The following PRLR variants were observed in gnomAD, a reference collection of about 807,000 sequenced individuals.
PRLR encodes hPRL receptor.
In PRLR, 13 loss-of-function variants were observed where a neutral mutation model predicts 40.2. That is an observed-to-expected ratio of 0.32 (90% confidence interval 0.21 to 0.51). The LOEUF is 0.51. PRLR is among the 20% of genes least tolerant of loss of function. PRLR has a pLI of 0.97. For synonymous variants in PRLR, 269 were observed against 278.7 expected, an observed-to-expected ratio of 0.97 and a Z score of 0.35; for missense variants, 656 against 747.3, an observed-to-expected ratio of 0.88 and a Z score of 1.42.
At chr5:35,071,411 T>G (rs927976915) in intron 6 of PRLR, among the ~76,000 whole-genome samples, 2 of 152,204 alleles carry the variant, frequency 1.3e-5, no homozygotes. Context: ...GGAATTAAAC[T>G]AGGGACTGGG....
chr5:35,164,998 A>G (rs180738459), intron 1 of PRLR, among the ~76,000 whole-genome samples: 3 of 152,358 alleles, frequency 2.0e-5, no homozygotes, highest in Admixed American at 6.5e-5. Flanking sequence ...GGAAATAAAG[A>G]GTCCCCTTAG....
chr5:35,187,665 C>T (rs558312689), intron 1 of PRLR, among the ~76,000 whole-genome samples: 13 of 152,228 alleles, frequency 8.5e-5, no homozygotes, highest in African/African-American at 3.1e-4. Context: ...GACCCCAAGC[C>T]CTTCAAATAA....
At chr5:35,076,697 C>T (rs1770121424) in intron 5 of PRLR, among the ~76,000 whole-genome samples, 1 of 152,114 alleles carries the variant, frequency 6.6e-6, no homozygotes, top group Admixed American at 6.5e-5. Flanking sequence ...ACAGAGAATG[C>T]CACAAAGGTA....
chr5:35,119,142 A>G (rs1447965303), intron 1 of PRLR, among the ~76,000 whole-genome samples: 1 of 152,218 alleles, frequency 6.6e-6, no homozygotes, highest in Non-Finnish European at 1.5e-5. Context: ...ACAGCAATTC[A>G]TAATTTAATG....
At chr5:35,164,372 C>T (rs1438346742) in intron 1 of PRLR, among the ~76,000 whole-genome samples, 2 of 152,074 alleles carry the variant, frequency 1.3e-5, no homozygotes, top group Non-Finnish European at 2.9e-5. Flanking sequence ...ACTAAGGGTG[C>T]TCAGGGAAGG....
In PRLR at chr5:35,064,861, T is replaced by A. The variant is rs1213401121; in HGVS notation, c.*228A>T. On this transcript the variant is annotated 3_prime_UTR_variant, in exon 10 of 10. Transcript: ENST00000618457. Reference sequence around the variant, plus strand: ...GCTTTTATTTCATTGAACACATAGTTTTATAACTAACAGCAAAAAGTAAAT... The same window carrying A: ...GCTTTTATTTCATTGAACACATAGTATTATAACTAACAGCAAAAAGTAAAT... 1.8e-6 allele frequency: 1 copy of A among 554,316 alleles called. No homozygotes were observed. The highest frequency in any genetic ancestry group is 3.1e-6 in the Non-Finnish European group (1 of 318,852). 34.3% of individuals were successfully genotyped at this position (554,316 alleles called of 1,614,324 possible). A position where few individuals can be genotyped will look rare whatever the true frequency, so the allele number is the denominator to read the frequency against.
intron 1 of PRLR, among the ~76,000 whole-genome samples, chr5:35,124,004 T>C (rs956785896): frequency 6.6e-6 from 1 of 152,158 alleles, no homozygotes; most frequent in African/African-American, 2.4e-5. Flanking sequence ...AAGGGAAAGA[T>C]ATAGATGATA....
chr5:35,168,823 C>T (rs571938675), intron 1 of PRLR, among the ~76,000 whole-genome samples: 10 of 152,140 alleles, frequency 6.6e-5, no homozygotes, highest in East Asian at 5.8e-4. Context: ...GTTGATAAAA[C>T]GATACTACAA....
At chr5:35,087,106 T>C (rs1770903805) in intron 3 of PRLR, among the ~76,000 whole-genome samples, 1 of 152,084 alleles carries the variant, frequency 6.6e-6, no homozygotes, top group African/African-American at 2.4e-5. Flanking sequence ...CAATTCTGCC[T>C]CAGCCTCCTG....
intron 5 of PRLR, among the ~76,000 whole-genome samples, chr5:35,073,817 G>A (rs1470409567): frequency 1.3e-5 from 2 of 152,148 alleles, no homozygotes; most frequent in African/African-American, 4.8e-5. Flanking sequence ...GCCTTCTGGG[G>A]AATGCAAATC....
rs577197269 is a variant in PRLR, at chr5:35,075,109, C to T, written c.374-2365G>A. Among the ~76,000 whole-genome samples the T allele has an allele frequency of 7.9e-5, 12 of 152,308 alleles. No homozygotes were observed. The East Asian group carries it at 9.6e-4, about 12-fold the overall frequency. ...GCTGAATAGGAACAGCTCCAGTCTA[C>T]AGCTCCCAGCGTGAGCAACACAGAA... is the stretch of plus-strand genomic sequence containing the variant. On this transcript the variant is annotated intron_variant, in intron 5 of 9. Coordinates refer to ENST00000618457, the MANE Select transcript of PRLR (RefSeq NM_000949.7).
intron 1 of PRLR, among the ~76,000 whole-genome samples, chr5:35,226,906 A>G (rs1776567645): frequency 6.6e-6 from 1 of 152,244 alleles, no homozygotes; most frequent in African/African-American, 2.4e-5. Context: ...GCCCAGCACA[A>G]AACAGAGCTC....
chr5:35,073,052 G>C (rs1769855166), intron 5 of PRLR, among the ~76,000 whole-genome samples: 1 of 152,144 alleles, frequency 6.6e-6, no homozygotes, highest in African/African-American at 2.4e-5. Context: ...CAGAGACCAG[G>C]TGATAAAAAC....
intron 1 of PRLR, among the ~76,000 whole-genome samples, chr5:35,142,043 G>A (rs1449076551): frequency 1.3e-5 from 2 of 152,216 alleles, no homozygotes; most frequent in Non-Finnish European, 2.9e-5. Context: ...ATTCTCGAAT[G>A]TTTAATTTTT....
At chr5:35,223,605 C>T (rs1419077465) in intron 1 of PRLR, among the ~76,000 whole-genome samples, 1 of 152,228 alleles carries the variant, frequency 6.6e-6, no homozygotes, top group African/African-American at 2.4e-5. Flanking sequence ...CTTTAGGCTT[C>T]CAGCCCTCAA....
chr5:35,204,610 C>T (rs1049251494), intron 1 of PRLR, among the ~76,000 whole-genome samples: 1 of 152,074 alleles, frequency 6.6e-6, no homozygotes, highest in Non-Finnish European at 1.5e-5. Context: ...CCATAAAGAA[C>T]ATAATTCTAA....
chr5:35,099,104 A>G (rs1341718083), intron 2 of PRLR, among the ~76,000 whole-genome samples: 1 of 152,256 alleles, frequency 6.6e-6, no homozygotes, highest in Non-Finnish European at 1.5e-5. Flanking sequence ...TCAGATGTCC[A>G]TCAGAATTTG....
At chr5:35,107,274 G>T (rs1772323383) in intron 2 of PRLR, among the ~76,000 whole-genome samples, 1 of 152,176 alleles carries the variant, frequency 6.6e-6, no homozygotes, top group Non-Finnish European at 1.5e-5. Context: ...AGAGAAAGCA[G>T]GAAAGATCTA....
intron 1 of PRLR, among the ~76,000 whole-genome samples, chr5:35,197,018 T>C (rs934096499): frequency 6.6e-6 from 1 of 152,200 alleles, no homozygotes; most frequent in Admixed American, 6.5e-5. Context: ...AAGGCTCCAT[T>C]ATATTGGGGG....
Sources: gnomAD v4.1 joint callset for allele counts (sites outside exome capture counted in the v4.1 genomes callset) on GRCh38, gnomAD v4.1.1 for gene constraint, MANE v1.5 for transcripts, NCBI Gene and HGNC (gene_info 2026-07-23, HGNC 2026-07-21) for gene names.